The following MELK variants were observed in gnomAD, a reference collection of about 807,000 sequenced individuals.
MELK encodes pEg3 kinase.
A neutral mutation model predicts 85.0 loss-of-function variants in MELK; 81 were observed. The observed-to-expected ratio is 0.95, with a 90% CI of 0.80 to 1.15. The LOEUF (loss-of-function observed/expected upper bound fraction) is 1.15. MELK is among the 50% of genes most tolerant of loss of function. The pLI, the probability that MELK is intolerant of heterozygous loss-of-function variation, is 0.00. For missense variants in MELK, 754 were observed against 777.5 expected, an observed-to-expected ratio of 0.97 and a Z score of 0.36; for synonymous variants, 252 against 265.0, an observed-to-expected ratio of 0.95 and a Z score of 0.48.
At chr9:36,654,106 T>A (rs1300950693) in intron 12 of MELK, among the ~76,000 whole-genome samples, 1 of 152,134 alleles carries the variant, frequency 6.6e-6, no homozygotes, top group Non-Finnish European at 1.5e-5. Flanking sequence ...GCACATGGGC[T>A]CCTTGAATCA....
rs372242505 is a variant in MELK at position 36,579,381 on chromosome 9, C to T, written c.-38-2263C>T. 8.5e-3 allele frequency among the ~76,000 whole-genome samples: 1,301 copies of T among 152,290 alleles called. 20 individuals are homozygous for T. The highest frequency in any genetic ancestry group is 0.03 in the African/African-American group (1,258 of 41,552). On this transcript the variant is annotated intron_variant, in intron 1 of 17. Transcript: ENST00000298048. ...GTTTTACTATGTTGGCCAGGCTGGTCCCGAACTCCTGACCTCGTGATCCGC... is the reference window on the plus strand; with the variant it reads ...GTTTTACTATGTTGGCCAGGCTGGTTCCGAACTCCTGACCTCGTGATCCGC...
At chr9:36,671,829 G>A (rs1832919059) in intron 16 of MELK, among the ~76,000 whole-genome samples, 1 of 152,194 alleles carries the variant, frequency 6.6e-6, no homozygotes, top group African/African-American at 2.4e-5. Context: ...ATACATGTTT[G>A]TTTGGTGGAA....
At chr9:36,574,430 CAAAAAAAAAAA>C (rs78915626) in intron 1 of MELK, among the ~76,000 whole-genome samples, 1 of 79,932 alleles carries the variant, frequency 1.3e-5, no homozygotes, top group African/African-American at 3.6e-5. Context: ...ACTAAAAATA[CAAAAAAAAAAA>C]AAAAAAAAAA....
intron 1 of MELK, among the ~76,000 whole-genome samples, chr9:36,578,404 C>T (rs113616836): frequency 1.3e-5 from 2 of 152,052 alleles, no homozygotes; most frequent in Admixed American, 6.6e-5. Flanking sequence ...GAATATTCTC[C>T]GTCTATTTCT....
intron 8 of MELK, among the ~76,000 whole-genome samples, chr9:36,625,619 G>A (rs1340413658): frequency 6.6e-6 from 1 of 152,144 alleles, no homozygotes; most frequent in Non-Finnish European, 1.5e-5. Flanking sequence ...CTTCATTGCT[G>A]TAGTTCAAAA....
intron 8 of MELK, among the ~76,000 whole-genome samples, chr9:36,615,539 A>G (rs1361434927): frequency 7.4e-6 from 1 of 134,496 alleles, no homozygotes; most frequent in African/African-American, 3.3e-5. Flanking sequence ...CCGGGCGGAG[A>G]CGCTCCTCAC....
At chr9:36,669,264 C>A (rs771847186) in intron 14 of MELK, 46 bp from the exon 15 acceptor site, 1 of 1,271,756 alleles carries the variant, frequency 7.9e-7, no homozygotes, top group Non-Finnish European at 1.1e-6. Context: ...ATTTCAGAAC[C>A]ATAGTATGTG....
In MELK at chr9:36,642,266, C is replaced by A. The variant is rs1274493055; in HGVS notation, c.835-731C>A. Reference sequence around the variant, plus strand: ...CTAAACATAAACATAACCTGAGGTACCCTGTGCTCTACAAGTTTGAATCAC... The same window carrying A: ...CTAAACATAAACATAACCTGAGGTAACCTGTGCTCTACAAGTTTGAATCAC... On this transcript the variant is annotated intron_variant, in intron 10 of 17. Transcript: ENST00000298048. Among the ~76,000 whole-genome samples, 9 of 151,998 alleles carry A rather than the reference C, an allele frequency of 5.9e-5. No individual in the cohort carries two copies. The East Asian group carries it at 1.7e-3, about 29-fold the overall frequency.
rs749341508 is a variant in MELK, at chr9:36,657,284, A to C, written c.1097A>C (p.Asn366Thr). ...GAAGATGTGACCGCAAGTGATAAAA[A>C]TTATGTGGCGGGATTAATAGACTAT... ...SLEDVTASDK[N>T]YVAGLIDYDW... Residue 366 changes from asparagine to threonine, a missense_variant, in exon 13 of 18, where the codon AAT becomes ACT. Transcript: ENST00000298048. 1 of 1,613,600 alleles carries C rather than the reference A, an allele frequency of 6.2e-7. No homozygotes were observed.
rs187636695 is a variant in MELK, at chr9:36,633,394, A to G, written c.834+194A>G. On this transcript the variant is annotated intron_variant, in intron 10 of 17. Transcript: ENST00000298048. Reference sequence around the variant, plus strand: ...ATGAGAATTACCTGGGACCTTAAAAAGAAATGCCTGCTCCCCATCCCAGAA... The same window carrying G: ...ATGAGAATTACCTGGGACCTTAAAAGGAAATGCCTGCTCCCCATCCCAGAA... Among the ~76,000 whole-genome samples, 16 of 152,350 alleles carry G rather than the reference A, an allele frequency of 1.1e-4. No individual in the cohort carries two copies. The East Asian group carries it at 2.3e-3, about 22-fold the overall frequency.
intron 13 of MELK, among the ~76,000 whole-genome samples, chr9:36,663,535 C>G (rs1174430413): frequency 6.6e-6 from 1 of 152,156 alleles, no homozygotes; most frequent in African/African-American, 2.4e-5. Context: ...CTTCCATCTC[C>G]TCACCCTTCC....
At chr9:36,584,229 T>A (rs1266259310) in intron 3 of MELK, among the ~76,000 whole-genome samples, 1 of 151,584 alleles carries the variant, frequency 6.6e-6, no homozygotes, top group Non-Finnish European at 1.5e-5. Context: ...ATGGTCTCAA[T>A]CTCCTGACCC....
intron 11 of MELK, among the ~76,000 whole-genome samples, chr9:36,651,251 G>A (rs1337678797): frequency 6.6e-6 from 1 of 152,128 alleles, no homozygotes; most frequent in African/African-American, 2.4e-5. Flanking sequence ...GATGGTTGAT[G>A]TCAGGGTAAC....
intron 8 of MELK, among the ~76,000 whole-genome samples, chr9:36,612,031 A>G (rs1826111867): frequency 6.6e-6 from 1 of 151,884 alleles, no homozygotes; most frequent in Admixed American, 6.6e-5. Context: ...TCTGCCTCCC[A>G]AAGTGCTGGG....
rs555504964 is a variant in MELK at position 36,624,212 on chromosome 9, T to C, written c.667-6087T>C. 5.3e-5 allele frequency among the ~76,000 whole-genome samples: 8 copies of C among 152,158 alleles called. No homozygotes were observed. The South Asian group carries it at 1.7e-3, about 32-fold the overall frequency. On this transcript the variant is annotated intron_variant, in intron 8 of 17. Transcript: ENST00000298048. ...GATTCTTCTGCCTTAGCCTCCCAAG[T>C]AGCTGAGACTACAGGCACGTGCCAC...
At chr9:36,636,459 G>A (rs778731335) in intron 10 of MELK, among the ~76,000 whole-genome samples, 23 of 152,140 alleles carry the variant, frequency 1.5e-4, no homozygotes, top group Admixed American at 3.9e-4. Flanking sequence ...CCAAGATTGC[G>A]CCATTGCACT....
chr9:36,606,764 TAATC>T (rs1312418259), intron 7 of MELK: 2 of 147,972 alleles, frequency 1.4e-5, no homozygotes, highest in African/African-American at 4.9e-5. Context: ...ATATAATAAA[TAATC>T]TATATAATAT....
chr9:36,656,630 T>C (rs1831276181), intron 12 of MELK, among the ~76,000 whole-genome samples: 1 of 152,188 alleles, frequency 6.6e-6, no homozygotes, highest in Non-Finnish European at 1.5e-5. Flanking sequence ...TTCTTTTTTT[T>C]TCTTTCTTTT....
At chr9:36,620,673 C>G (rs538795252) in intron 8 of MELK, among the ~76,000 whole-genome samples, 2 of 151,686 alleles carry the variant, frequency 1.3e-5, no homozygotes, top group East Asian at 3.9e-4. Flanking sequence ...GCCTCAGCCT[C>G]CAGAGTAGCT....
Sources: allele counts gnomAD v4.1 joint callset (sites outside exome capture counted in the v4.1 genomes callset), GRCh38; gene constraint gnomAD v4.1.1; transcripts MANE v1.5; gene names NCBI Gene and HGNC (gene_info 2026-07-23, HGNC 2026-07-21).